RP1: variants seen among roughly 807,000 people sequenced by gnomAD.
The protein encoded by RP1 is RP1 axonemal microtubule associated, also known as oxygen-regulated protein 1.
A neutral mutation model predicts 14.8 loss-of-function variants in RP1; 16 were observed. That is an observed-to-expected ratio of 1.08 (90% confidence interval 0.73 to 1.65). RP1 has a LOEUF of 1.65. RP1 is among the 40% of genes most tolerant of loss of function. The pLI is 0.00. For synonymous variants in RP1, 876 were observed against 883.6 expected, an observed-to-expected ratio of 0.99 and a Z score of 0.15; for missense variants, 2,631 against 2,535.0, an observed-to-expected ratio of 1.04 and a Z score of -0.81.
chr8:54,804,926 T>C (rs1405634054), intron 24 of RP1, among the ~76,000 whole-genome samples: 2 of 152,260 alleles, frequency 1.3e-5, no homozygotes, highest in Admixed American at 1.3e-4. Flanking sequence ...GGAGACTATT[T>C]CCTCTTTTCA....
chr8:54,628,807 T>C lies in RP1; in HGVS notation c.4925T>C (p.Ile1642Thr), dbSNP rs1471875829. 6 of 1,614,022 alleles carry C rather than the reference T, an allele frequency of 3.7e-6. No individual in the cohort carries two copies. The highest frequency in any genetic ancestry group is 4.2e-6 in the Non-Finnish European group (5 of 1,179,994). Residue 1642 changes from isoleucine to threonine, a missense_variant, in exon 4 of 4, where the codon ATC (isoleucine) becomes ACC (threonine). Transcript: ENST00000220676. The stretch of plus-strand genomic sequence containing the variant: ...AAACTGTACGGTAAAGCAGATATTA[T>C]CAAACCATCTTTTTTTCCTGGGTCT... ...IEKLYGKADI[I>T]KPSFFPGSTR... is the part of the protein sequence containing the mutation.
chr8:54,744,579 T>C (rs1437358260), intron 19 of RP1, among the ~76,000 whole-genome samples: 2 of 152,174 alleles, frequency 1.3e-5, no homozygotes, highest in Non-Finnish European at 2.9e-5. Context: ...GATAAATACA[T>C]AGACCTACAA....
At chr8:54,779,015 G>C (rs961914594) in intron 23 of RP1, among the ~76,000 whole-genome samples, 2 of 152,098 alleles carry the variant, frequency 1.3e-5, no homozygotes, top group African/African-American at 4.8e-5. Flanking sequence ...TTTGGAGGTG[G>C]ATCTGTTCAA....
At chr8:54,662,513 C>A (rs945828625) in intron 6 of RP1, among the ~76,000 whole-genome samples, 1 of 152,160 alleles carries the variant, frequency 6.6e-6, no homozygotes, top group Non-Finnish European at 1.5e-5. Context: ...AATGTTGGCT[C>A]CAATGTGCTC....
At chr8:54,673,667 G>A (rs1325220786) in intron 7 of RP1, among the ~76,000 whole-genome samples, 3 of 152,166 alleles carry the variant, frequency 2.0e-5, no homozygotes, top group African/African-American at 4.8e-5. Context: ...TTGAGCCCGG[G>A]AGGCAGAGGT....
At chr8:54,565,902 G>A (rs1309389716) in intron 1 of RP1, among the ~76,000 whole-genome samples, 1 of 152,146 alleles carries the variant, frequency 6.6e-6, no homozygotes, top group African/African-American at 2.4e-5. Context: ...TGAGGCTCTG[G>A]GGGAGACACT....
rs1805984836 is a variant in RP1, at chr8:54,624,894, C to T, written c.1012C>T (p.Arg338Ter). Residue 338 changes from arginine (R) to a stop codon, truncating the protein, a stop_gained, in exon 4 of 4, where the codon CGA becomes TGA. Coordinates refer to ENST00000220676, the MANE Select transcript of RP1 (RefSeq NM_006269.2). LOFTEE classifies it low-confidence loss of function (END_TRUNC). Reference sequence around the variant, plus strand: ...CACTATGACAGTTGAGATGAAAGTTCGATTCAGAATAAAAGAGGAAGAAAC... The same window carrying T: ...CACTATGACAGTTGAGATGAAAGTTTGATTCAGAATAAAAGAGGAAGAAAC... ...DGTMTVEMKV[R>*]FRIKEEETIK... 4.3e-6 allele frequency: 7 copies of T among 1,613,708 alleles called. No individual in the cohort carries two copies. Among genetic ancestry groups the T allele is most frequent in the East Asian group, 2.2e-5 (1 of 44,868 alleles).
chr8:54,839,910 T>G (rs1262693068), intron 25 of RP1, among the ~76,000 whole-genome samples: 1 of 152,238 alleles, frequency 6.6e-6, no homozygotes, highest in East Asian at 1.9e-4. Flanking sequence ...TTCTCTCATA[T>G]AAGATTTCAT....
At chr8:54,831,566 A>G (rs11996028) in intron 24 of RP1, among the ~76,000 whole-genome samples, 45,800 of 150,732 alleles carry the variant, frequency 0.3, 7,101 homozygotes, top group South Asian at 0.37. Flanking sequence ...TCAACCCCTT[A>G]TGCTATTACT....
At chr8:54,800,754 T>C (rs1810686380) in intron 24 of RP1, among the ~76,000 whole-genome samples, 1 of 152,212 alleles carries the variant, frequency 6.6e-6, no homozygotes, top group Non-Finnish European at 1.5e-5. Context: ...TTTTTTTATG[T>C]TGTCCACATC....
chr8:54,597,039 T>A (rs1362086026), intron 1 of RP1, among the ~76,000 whole-genome samples: 1 of 152,178 alleles, frequency 6.6e-6, no homozygotes, highest in Non-Finnish European at 1.5e-5. Context: ...TCTGATTATG[T>A]CATTTCCCTG....
At chr8:54,731,435 A>G (rs915448890) in intron 17 of RP1, among the ~76,000 whole-genome samples, 1 of 152,158 alleles carries the variant, frequency 6.6e-6, no homozygotes, top group Non-Finnish European at 1.5e-5. Context: ...CTTCTGGTCA[A>G]CAAAAGCAAC....
chr8:54,691,304 A>G (rs562596575), intron 12 of RP1, among the ~76,000 whole-genome samples: 1 of 152,074 alleles, frequency 6.6e-6, no homozygotes. Context: ...TTGGTGATAT[A>G]TTGGAAAAGG....
At chr8:54,788,771 T>G (rs1749535141) in intron 24 of RP1, among the ~76,000 whole-genome samples, 1 of 152,214 alleles carries the variant, frequency 6.6e-6, no homozygotes, top group South Asian at 2.1e-4. Flanking sequence ...CCAGTTCAGA[T>G]GATATCAGCA....
intron 3 of RP1, among the ~76,000 whole-genome samples, chr8:54,647,469 T>G (rs1489960272): frequency 6.6e-6 from 1 of 152,164 alleles, no homozygotes; most frequent in Non-Finnish European, 1.5e-5. Context: ...TAATGTGTAT[T>G]TATTGTACCA....
At chr8:54,705,084 G>A (rs1462513553) in intron 14 of RP1, among the ~76,000 whole-genome samples, 1 of 152,104 alleles carries the variant, frequency 6.6e-6, no homozygotes, top group Non-Finnish European at 1.5e-5. Flanking sequence ...TCCTGTGAAA[G>A]TTAAGCCAAC....
intron 24 of RP1, among the ~76,000 whole-genome samples, chr8:54,787,835 A>G (rs1267582782): frequency 1.3e-5 from 2 of 152,236 alleles, no homozygotes; most frequent in African/African-American, 2.4e-5. Flanking sequence ...AACAATTTAT[A>G]TCACCAGCAA....
At chr8:54,699,595 C>T in intron 13 of RP1, 2 of 1,126,376 alleles carry the variant, frequency 1.8e-6, no homozygotes, top group Non-Finnish European at 2.4e-6. Context: ...TTCTTTTTGC[C>T]ATATATCAAT....
chr8:54,597,288 C>T (rs1192988678), intron 1 of RP1, among the ~76,000 whole-genome samples: 3 of 152,130 alleles, frequency 2.0e-5, no homozygotes, highest in African/African-American at 7.2e-5. Context: ...AATAATAGTA[C>T]ATACTTCCTA....
Sources: allele counts gnomAD v4.1 joint callset (sites outside exome capture counted in the v4.1 genomes callset), GRCh38; gene constraint gnomAD v4.1.1; transcripts MANE v1.5; gene names NCBI Gene and HGNC (gene_info 2026-07-23, HGNC 2026-07-21).